Variants in BIN2 observed in about 807,000 individuals in gnomAD.
BIN2 encodes breast cancer associated protein BRAP1.
A neutral mutation model predicts 67.9 loss-of-function variants in BIN2; 43 were observed. The ratio of observed to expected loss-of-function variants is 0.63; its 90% CI spans 0.50 to 0.82. BIN2 has a LOEUF of 0.82. Ranked by LOEUF, BIN2 falls within the 40% of genes least tolerant of loss-of-function variation. The probability of loss-of-function intolerance (pLI) is 0.00; values close to 1 mark genes in which losing one functional copy is unlikely to be tolerated. For missense variants in BIN2, 581 were observed against 671.6 expected, an observed-to-expected ratio of 0.87 and a Z score of 1.49; for synonymous variants, 244 against 246.8, an observed-to-expected ratio of 0.99 and a Z score of 0.11.
intron 1 of BIN2, among the ~76,000 whole-genome samples, chr12:51,316,792 T>C (rs538532582): frequency 1.6e-3 from 251 of 152,312 alleles, no homozygotes; most frequent in Non-Finnish European, 3.0e-3. Context: ...ATCCCATTGA[T>C]CGATTATTCA....
At chr12:51,295,631 T>G (rs1945545011) in intron 9 of BIN2, among the ~76,000 whole-genome samples, 165 bp downstream of exon 9, 1 of 113,904 alleles carries the variant, frequency 8.8e-6, no homozygotes, top group Non-Finnish European at 1.8e-5. Flanking sequence ...TATATATATA[T>G]TTAGTAAAAA....
Position 51,291,855 on chromosome 12 carries a change from A to C in BIN2, c.1251T>G (p.Pro417=), listed in dbSNP as rs1455963031. ...GGCTTGCAGTGGCTCTGGGTGGAGG[A>C]GGCCTACTAGGGGGTGCTGAGGTCC... ...IQRTSAPPSR[P]PPPRATASPR... The change falls in exon 10 of 13, where the codon CCT becomes CCG. Residue 417 remains proline, a synonymous_variant. Coordinates refer to ENST00000615107, the MANE Select transcript of BIN2 (RefSeq NM_016293.4). 1.2e-6 allele frequency: 2 copies of C among 1,614,010 alleles called. No individual in the cohort carries two copies. Among genetic ancestry groups the C allele is most frequent in the Admixed American group, 3.3e-5 (2 of 60,008 alleles).
chr12:51,296,496 CAAAA>C (rs200414380), intron 8 of BIN2, among the ~76,000 whole-genome samples: 1 of 111,504 alleles, frequency 9.0e-6, no homozygotes, highest in African/African-American at 3.4e-5. Context: ...GACTCCGTCT[CAAAA>C]AAAAAAAAAC....
chr12:51,303,016 T>C, intron 3 of BIN2, 71 bp downstream of exon 3: 6 of 1,533,710 alleles, frequency 3.9e-6, no homozygotes, highest in Non-Finnish European at 5.4e-6. Flanking sequence ...GGTATGGCTA[T>C]TGTTTTCCAC....
At chr12:51,311,024 T>C (rs981022248) in intron 2 of BIN2, among the ~76,000 whole-genome samples, 2 of 151,880 alleles carry the variant, frequency 1.3e-5, no homozygotes, top group East Asian at 1.9e-4. Flanking sequence ...GCTGGGATTA[T>C]AGGTGTGGGC....
In BIN2 at chr12:51,291,751, A is replaced by G. The variant is rs758622403; in HGVS notation, c.1355T>C (p.Leu452Ser). ...GGSPTSPRASLGTGTASPRTS... is the reference protein window; with the variant it reads ...GGSPTSPRASSGTGTASPRTS... ...CCTAGGACTTGCAGTCCCAGTCCCCAAGGAGGCCCTAGGGCTGGTGGGTGA... is the reference window on the plus strand; with the variant it reads ...CCTAGGACTTGCAGTCCCAGTCCCCGAGGAGGCCCTAGGGCTGGTGGGTGA... Residue 452 changes from leucine to serine, a missense_variant, in exon 10 of 13, where the codon TTG becomes TCG. Physicochemically the swap from Leu to Ser is moderately radical, Grantham distance 145. Coordinates refer to ENST00000615107, the MANE Select transcript of BIN2 (RefSeq NM_016293.4). 1 of 1,613,436 alleles carries G rather than the reference A, an allele frequency of 6.2e-7. No homozygotes were observed. The highest frequency in any genetic ancestry group is 1.3e-5 in the African/African-American group (1 of 74,948).
At chr12:51,282,517 T>C (rs1276763629) in intron 12 of BIN2, among the ~76,000 whole-genome samples, 1 of 152,232 alleles carries the variant, frequency 6.6e-6, no homozygotes. Flanking sequence ...TGCAATTATG[T>C]ACAGTACATA....
intron 1 of BIN2, 139 bp downstream of exon 1, chr12:51,323,883 G>T: frequency 9.6e-7 from 1 of 1,042,448 alleles, no homozygotes; most frequent in Non-Finnish European, 1.4e-6. Context: ...CCGTTTCCCT[G>T]GGAGAGCGGG....
intron 9 of BIN2, 147 bp from the exon 10 acceptor site, chr12:51,292,491 G>T: frequency 2.1e-6 from 2 of 935,482 alleles, no homozygotes; most frequent in Non-Finnish European, 3.0e-6. Flanking sequence ...CACTTATACA[G>T]TGAAATGAAA....
intron 2 of BIN2, among the ~76,000 whole-genome samples, chr12:51,307,460 C>G (rs1945897182): frequency 1.3e-5 from 2 of 150,994 alleles, no homozygotes; most frequent in African/African-American, 4.9e-5. Context: ...TATAATCCCA[C>G]CACTTTGGGA....
At chr12:51,298,598 T>G (rs567814652) in intron 7 of BIN2, among the ~76,000 whole-genome samples, 188 of 152,170 alleles carry the variant, frequency 1.2e-3, no homozygotes, top group South Asian at 2.3e-3. Flanking sequence ...CAATTTCATT[T>G]TAATTAGGAG....
intron 12 of BIN2, among the ~76,000 whole-genome samples, chr12:51,284,279 A>G (rs537229053): frequency 6.1e-4 from 93 of 152,350 alleles, no homozygotes; most frequent in African/African-American, 2.2e-3. Context: ...AATTCAGTAA[A>G]GTAACATGCT....
At chr12:51,317,738 C>T (rs1946170618) in intron 1 of BIN2, among the ~76,000 whole-genome samples, 1 of 152,062 alleles carries the variant, frequency 6.6e-6, no homozygotes, top group Non-Finnish European at 1.5e-5. Context: ...CCTGTAATCC[C>T]AGCACTTTGG....
At chr12:51,301,018 GACC>G (rs1410833410) in intron 5 of BIN2, among the ~76,000 whole-genome samples, 1 of 152,112 alleles carries the variant, frequency 6.6e-6, no homozygotes, top group Non-Finnish European at 1.5e-5. Flanking sequence ...AGGAGTTTGA[GACC>G]AGCCTGGACA....
upstream of BIN2, chr12:51,324,648 G>T (rs1173808234): frequency 9.8e-7 from 1 of 1,024,458 alleles, no homozygotes; most frequent in Non-Finnish European, 1.3e-6. Context: ...CACCCGAGCC[G>T]GGCTTGAAAG....
chr12:51,315,174 ATT>A, intron 1 of BIN2, among the ~76,000 whole-genome samples: 1 of 146,278 alleles, frequency 6.8e-6, no homozygotes, highest in African/African-American at 2.5e-5. Context: ...TATTATTATT[ATT>A]TTTTTTTTTT....
intron 7 of BIN2, among the ~76,000 whole-genome samples, chr12:51,297,736 G>T (rs186926558): frequency 6.6e-6 from 1 of 152,198 alleles, no homozygotes; most frequent in African/African-American, 2.4e-5. Flanking sequence ...GGAGTTATCT[G>T]ATTTGGGCTC....
chr12:51,295,577 AATATATATAT>A (rs1163870830), intron 9 of BIN2, among the ~76,000 whole-genome samples: 536 of 28,758 alleles, frequency 0.019, 6 homozygotes, highest in African/African-American at 0.031. Flanking sequence ...AAAAAAAAAA[AATATATATAT>A]ATATATATAT....
chr12:51,292,331 A>T lies in BIN2; in HGVS notation c.775T>A (p.Ser259Thr). 6.3e-7 allele frequency: 1 copy of T among 1,576,066 alleles called. No homozygotes were observed. Among genetic ancestry groups the T allele is most frequent in the Non-Finnish European group, 8.6e-7 (1 of 1,165,780 alleles). ...CGAACTGGGGGAGAAATGACTAAAG[A>T]GCGCCTGCTGCTGCTAAAAAAGGAA... Reference protein sequence around the residue: ...VKGLSSSSRRSLVISPPVRTA... With the variant: ...VKGLSSSSRRTLVISPPVRTA... The change falls in exon 10 of 13, where the codon TCT (serine) becomes ACT (threonine). Residue 259 changes from serine (S) to threonine (T), a missense_variant. Coordinates refer to ENST00000615107, the MANE Select transcript of BIN2 (RefSeq NM_016293.4).
Sources: allele counts gnomAD v4.1 joint callset (sites outside exome capture counted in the v4.1 genomes callset), GRCh38; gene constraint gnomAD v4.1.1; transcripts MANE v1.5; gene names NCBI Gene and HGNC (gene_info 2026-07-23, HGNC 2026-07-21).